Variants in SUPT3H observed in about 807,000 individuals in gnomAD.
The protein encoded by SUPT3H is transcription initiation protein SPT3 homolog.
SUPT3H carries 44 observed loss-of-function variants against 44.3 expected under a neutral mutation model. The ratio of observed to expected loss-of-function variants is 0.99; its 90% CI spans 0.78 to 1.28. SUPT3H has a LOEUF of 1.28. Ranked by LOEUF, SUPT3H falls within the 50% of genes most tolerant of loss-of-function variation. The probability of loss-of-function intolerance (pLI) is 0.00; values close to 1 mark genes in which losing one functional copy is unlikely to be tolerated. For missense variants in SUPT3H, 380 were observed against 387.1 expected, an observed-to-expected ratio of 0.98 and a Z score of 0.15; for synonymous variants, 124 against 125.6, an observed-to-expected ratio of 0.99 and a Z score of 0.09.
intron 2 of SUPT3H, among the ~76,000 whole-genome samples, chr6:45,171,642 G>C (rs908606160): frequency 1.4e-4 from 21 of 150,120 alleles, no homozygotes; most frequent in Admixed American, 1.3e-3. Context: ...TCAACACCTA[G>C]CTGTCATAAA....
chr6:44,836,462 A>C (rs1429332563), intron 10 of SUPT3H, among the ~76,000 whole-genome samples: 1 of 152,146 alleles, frequency 6.6e-6, no homozygotes. Context: ...TGGGAAAAAA[A>C]CATAGTATTA....
chr6:45,347,099 T>C (rs1210809732), intron 2 of SUPT3H, among the ~76,000 whole-genome samples: 13 of 152,184 alleles, frequency 8.5e-5, no homozygotes, highest in Admixed American at 7.2e-4. Flanking sequence ...CCCACAAATA[T>C]GTGTGAGTTT....
chr6:45,026,541 T>TA lies in SUPT3H; in HGVS notation c.187-5910dup, dbSNP rs565247952. Among the ~76,000 whole-genome samples the TA allele has an allele frequency of 1.3e-3, 201 of 152,214 alleles. 2 individuals carry two copies. In the Middle Eastern group the frequency reaches 0.024, roughly 18 times the overall value. On this transcript the variant is annotated intron_variant, in intron 3 of 10. Coordinates refer to ENST00000371459, the MANE Select transcript of SUPT3H (RefSeq NM_003599.4). ...TAACTTTTAAATTTTATATCTAATTTAAAAAATATATAAAACATTAAAAGT... is the reference window on the plus strand; with the variant it reads ...TAACTTTTAAATTTTATATCTAATTTAAAAAAATATATAAAACATTAAAAGT...
chr6:44,922,831 C>A (rs540551053), intron 10 of SUPT3H, among the ~76,000 whole-genome samples: 1 of 152,236 alleles, frequency 6.6e-6, no homozygotes, highest in South Asian at 2.1e-4. Flanking sequence ...TTTTACAGCA[C>A]AATTTTAAAA....
intron 2 of SUPT3H, among the ~76,000 whole-genome samples, chr6:45,189,200 G>T (rs1177360252): frequency 2.0e-5 from 3 of 152,138 alleles, no homozygotes; most frequent in African/African-American, 7.2e-5. Context: ...TTGGGCAAAA[G>T]CAACTTTTAT....
At chr6:44,870,625 AG>A (rs1429545966) in intron 10 of SUPT3H, among the ~76,000 whole-genome samples, 2 of 151,386 alleles carry the variant, frequency 1.3e-5, no homozygotes, top group African/African-American at 4.8e-5. Context: ...AGAAAGAAAA[AG>A]AAAAAGAAGG....
chr6:45,027,295 T>C (rs1786186381), intron 3 of SUPT3H, among the ~76,000 whole-genome samples: 1 of 152,092 alleles, frequency 6.6e-6, no homozygotes, highest in East Asian at 1.9e-4. Context: ...GTGCCCAGAC[T>C]GGATTGTTGT....
intron 3 of SUPT3H, among the ~76,000 whole-genome samples, chr6:45,091,319 A>G (rs1339861528): frequency 6.6e-6 from 1 of 151,924 alleles, no homozygotes; most frequent in East Asian, 1.9e-4. Flanking sequence ...CTCTTTTTCA[A>G]TTACTTCTTT....
At chr6:44,946,525 G>A (rs543985760) in intron 9 of SUPT3H, among the ~76,000 whole-genome samples, 25 of 152,230 alleles carry the variant, frequency 1.6e-4, no homozygotes, top group Non-Finnish European at 2.8e-4. Context: ...CAGCTATCAC[G>A]AATGGCTTTG....
In SUPT3H at chr6:45,172,879, C is replaced by T. The variant is rs189352960; in HGVS notation, c.102-66873G>A. On this transcript the variant is annotated intron_variant, in intron 2 of 10. Coordinates refer to ENST00000371459, the MANE Select transcript of SUPT3H (RefSeq NM_003599.4). ...TGCTGGGATTACAAGTGTGAGCCAC[C>T]ACACCCGGCCCAGATATTTTTAAAA... Among the ~76,000 whole-genome samples, 325 of 152,254 alleles carry T rather than the reference C, an allele frequency of 2.1e-3. 1 individual carries two copies. The highest frequency in any genetic ancestry group is 7.5e-3 in the African/African-American group (311 of 41,542).
At chr6:44,817,560 T>A (rs1303406436) in intron 11 of SUPT3H, among the ~76,000 whole-genome samples, 2 of 152,096 alleles carry the variant, frequency 1.3e-5, no homozygotes, top group Non-Finnish European at 2.9e-5. Flanking sequence ...TGATCATCTA[T>A]GTAGAAAATC....
chr6:44,978,748 A>G (rs1778688987), intron 6 of SUPT3H, among the ~76,000 whole-genome samples: 2 of 152,164 alleles, frequency 1.3e-5, no homozygotes, highest in East Asian at 1.9e-4. Context: ...AAGGATCCAC[A>G]TGGGAGGACT....
chr6:44,871,151 T>C (rs1776390349), intron 10 of SUPT3H, among the ~76,000 whole-genome samples: 1 of 149,758 alleles, frequency 6.7e-6, no homozygotes, highest in African/African-American at 2.5e-5. Context: ...CCACCACAGC[T>C]CAAGGAGGCC....
intron 6 of SUPT3H, among the ~76,000 whole-genome samples, chr6:44,999,517 T>C (rs1244795995): frequency 6.6e-6 from 1 of 152,082 alleles, no homozygotes; most frequent in Non-Finnish European, 1.5e-5. Flanking sequence ...TGAGGGCAGA[T>C]GGAGGCTACA....
intron 9 of SUPT3H, among the ~76,000 whole-genome samples, chr6:44,952,663 A>T (rs541838437): frequency 4.7e-4 from 72 of 152,332 alleles, no homozygotes; most frequent in Non-Finnish European, 9.0e-4. Context: ...TACATTCAAG[A>T]CACTGCAATA....
chr6:45,117,552 A>G (rs1478371783), intron 2 of SUPT3H, among the ~76,000 whole-genome samples: 1 of 152,074 alleles, frequency 6.6e-6, no homozygotes, highest in Non-Finnish European at 1.5e-5. Context: ...AAGCAAACTC[A>G]TGCCAAAATT....
chr6:45,076,554 G>T (rs1795025671), intron 3 of SUPT3H, among the ~76,000 whole-genome samples: 1 of 151,584 alleles, frequency 6.6e-6, no homozygotes, highest in African/African-American at 2.4e-5. Flanking sequence ...ATACAAACAG[G>T]CTCTTCCAAA....
At chr6:45,080,174 G>T (rs1171437171) in intron 3 of SUPT3H, among the ~76,000 whole-genome samples, 3 of 152,010 alleles carry the variant, frequency 2.0e-5, no homozygotes, top group African/African-American at 7.2e-5. Flanking sequence ...AAGACAAACA[G>T]TACACAAGTA....
Position 45,105,953 on chromosome 6 carries a change from T to A in SUPT3H, c.155A>T (p.Glu52Val). 1 of 1,613,870 alleles carries A rather than the reference T, an allele frequency of 6.2e-7. No homozygotes were observed. The highest frequency in any genetic ancestry group is 8.5e-7 in the Non-Finnish European group (1 of 1,179,902). The change falls in exon 3 of 11, where the codon GAA becomes GTA. Residue 52 changes from glutamate to valine, a missense_variant. Transcript: ENST00000371459. ...AATTAACTGAGTGTGTACCACATCT[T>A]CTACCAAAACTGCTGTTTCATGAAG... ...RPLHETAVLV[E>V]DVVHTQLINL...
Sources: allele counts gnomAD v4.1 joint callset (sites outside exome capture counted in the v4.1 genomes callset), GRCh38; gene constraint gnomAD v4.1.1; transcripts MANE v1.5; gene names NCBI Gene and HGNC (gene_info 2026-07-23, HGNC 2026-07-21).